The following FUT9 variants were observed in gnomAD, a reference collection of about 807,000 sequenced individuals.
FUT9 encodes the protein fucosyltransferase 9, also known as 4-galactosyl-N-acetylglucosaminide 3-alpha-L-fucosyltransferase 9.
In FUT9, 15 loss-of-function variants were observed where a neutral mutation model predicts 29.7. That is an observed-to-expected ratio of 0.51 (90% CI 0.34 to 0.78). The LOEUF is 0.78. Among genes scored for constraint, FUT9 ranks in the 30% least tolerant of loss-of-function variants. FUT9 has a pLI of 0.01. For missense variants in FUT9, 319 were observed against 425.4 expected (o/e 0.75, Z 2.20); for synonymous variants, 169 against 153.7 (o/e 1.10, Z -0.74).
intron 1 of FUT9, among the ~76,000 whole-genome samples, chr6:96,031,127 T>A (rs1402279658): frequency 6.6e-6 from 1 of 151,568 alleles, no homozygotes; most frequent in Non-Finnish European, 1.5e-5. Flanking sequence ...ATTGGAAGAA[T>A]GAGAGAAGTC....
At chr6:96,161,362 A>G (rs1361982163) in intron 2 of FUT9, among the ~76,000 whole-genome samples, 1 of 152,170 alleles carries the variant, frequency 6.6e-6, no homozygotes, top group Non-Finnish European at 1.5e-5. Context: ...CTCCTCAGAC[A>G]CCAAATCTGC....
intron 1 of FUT9, among the ~76,000 whole-genome samples, chr6:96,045,228 G>A (rs142328483): frequency 1.3e-5 from 2 of 152,312 alleles, no homozygotes; most frequent in African/African-American, 4.8e-5. Flanking sequence ...ATGACTGGTG[G>A]AAATGTCAGA....
intron 2 of FUT9, among the ~76,000 whole-genome samples, chr6:96,192,898 G>A (rs12212932): frequency 2.6e-5 from 4 of 151,316 alleles, no homozygotes; most frequent in African/African-American, 9.7e-5. Context: ...AAATAATGCT[G>A]CATATCTACA....
At chr6:96,044,572 A>C (rs137893812) in intron 1 of FUT9, among the ~76,000 whole-genome samples, 1 of 152,324 alleles carries the variant, frequency 6.6e-6, no homozygotes, top group African/African-American at 2.4e-5. Context: ...AGAATCTCCA[A>C]ACCAGCAAAC....
intron 2 of FUT9, among the ~76,000 whole-genome samples, chr6:96,116,526 A>G (rs1771914089): frequency 6.6e-6 from 1 of 152,234 alleles, no homozygotes; most frequent in South Asian, 2.1e-4. Context: ...ATGTGGAAAT[A>G]ACTAATATGT....
At chr6:96,183,990 A>G (rs1038650761) in intron 2 of FUT9, among the ~76,000 whole-genome samples, 4 of 151,848 alleles carry the variant, frequency 2.6e-5, no homozygotes, top group African/African-American at 9.7e-5. Context: ...CTCTTTCTCT[A>G]TCTTGTGGAA....
intron 2 of FUT9, among the ~76,000 whole-genome samples, chr6:96,197,212 G>T (rs1398865835): frequency 6.6e-6 from 1 of 152,140 alleles, no homozygotes; most frequent in Non-Finnish European, 1.5e-5. Context: ...GAAACCCACT[G>T]CAGAAATGAA....
chr6:96,027,307 T>C (rs1473287217), intron 1 of FUT9, among the ~76,000 whole-genome samples: 1 of 151,718 alleles, frequency 6.6e-6, no homozygotes, highest in South Asian at 2.1e-4. Context: ...TTTACTTCTA[T>C]TCTAACCCTG....
intron 2 of FUT9, among the ~76,000 whole-genome samples, chr6:96,135,804 C>T (rs1255446109): frequency 6.6e-6 from 1 of 151,756 alleles, no homozygotes; most frequent in East Asian, 1.9e-4. Flanking sequence ...GATCTTATTA[C>T]ATGTTCTTAC....
chr6:96,125,422 A>T (rs578173535), intron 2 of FUT9, among the ~76,000 whole-genome samples: 1 of 152,186 alleles, frequency 6.6e-6, no homozygotes, highest in East Asian at 1.9e-4. Context: ...TTGAAATGTG[A>T]TATTGATTAC....
At chr6:96,127,102 CAG>C (rs1457665689) in intron 2 of FUT9, among the ~76,000 whole-genome samples, 8 of 152,082 alleles carry the variant, frequency 5.3e-5, no homozygotes, top group African/African-American at 1.9e-4. Context: ...TTGCATGTCT[CAG>C]GGGTTTGATG....
In FUT9 at chr6:96,207,225, A is replaced by T. The variant is rs1773848239; in HGVS notation, c.*2990A>T. On this transcript the variant is annotated 3_prime_UTR_variant, in exon 3 of 3. Coordinates refer to ENST00000302103, the MANE Select transcript of FUT9 (RefSeq NM_006581.4). The stretch of plus-strand genomic sequence containing the variant: ...ATTTATTCAAGACACACATTCACAC[A>T]CACATACACACACACACACACACAC... 9.2e-6 allele frequency: 1 copy of T among 109,182 alleles called. No individual in the cohort carries two copies. Among genetic ancestry groups the T allele is most frequent in the South Asian group, 6.5e-4 (1 of 1,534 alleles). 6.8% of individuals were successfully genotyped at this position (109,182 alleles called of 1,614,324 possible).
intron 1 of FUT9, among the ~76,000 whole-genome samples, chr6:96,022,879 CT>C (rs1352953518): frequency 2.6e-5 from 4 of 151,766 alleles, no homozygotes; most frequent in Non-Finnish European, 5.9e-5. Context: ...CGTGTATATC[CT>C]GTATGTTAAG....
intron 2 of FUT9, among the ~76,000 whole-genome samples, chr6:96,122,952 C>T (rs892263139): frequency 6.6e-6 from 1 of 150,818 alleles, no homozygotes; most frequent in African/African-American, 2.4e-5. Flanking sequence ...CCCAGCCACT[C>T]GGGAGGCTGA....
At chr6:96,112,407 A>G (rs1771826591) in intron 1 of FUT9, among the ~76,000 whole-genome samples, 1 of 152,252 alleles carries the variant, frequency 6.6e-6, no homozygotes, top group African/African-American at 2.4e-5. Flanking sequence ...CTTTTTAAAG[A>G]CAAGACAGAT....
At chr6:96,185,937 G>A (rs765190482) in intron 2 of FUT9, among the ~76,000 whole-genome samples, 6 of 152,006 alleles carry the variant, frequency 3.9e-5, no homozygotes, top group Admixed American at 6.6e-5. Flanking sequence ...AAAATTTCCC[G>A]ATATAAGAAA....
chr6:96,040,631 G>C (rs1336184124), intron 1 of FUT9, among the ~76,000 whole-genome samples: 1 of 152,132 alleles, frequency 6.6e-6, no homozygotes, highest in Non-Finnish European at 1.5e-5. Context: ...AGATACCACA[G>C]TTCAAAGAAA....
chr6:96,122,139 C>G (rs1772041323), intron 2 of FUT9, among the ~76,000 whole-genome samples: 1 of 152,040 alleles, frequency 6.6e-6, no homozygotes, highest in Non-Finnish European at 1.5e-5. Flanking sequence ...TTGCATGAGC[C>G]TTATATGAAA....
At chr6:96,194,569 T>C (rs919022492) in intron 2 of FUT9, among the ~76,000 whole-genome samples, 1 of 151,982 alleles carries the variant, frequency 6.6e-6, no homozygotes, top group Non-Finnish European at 1.5e-5. Flanking sequence ...CTAGGTTAGG[T>C]GTGGATATGA....
Sources: allele counts gnomAD v4.1 joint callset (sites outside exome capture counted in the v4.1 genomes callset), GRCh38; gene constraint gnomAD v4.1.1; transcripts MANE v1.5; gene names NCBI Gene and HGNC (gene_info 2026-07-23, HGNC 2026-07-21).